QTGAL: variants seen among roughly 807,000 people sequenced by gnomAD.
QTGAL encodes queuosine-tRNA galactosyltransferase.
the QTGAL span, chr17:82,948,838 A>G: frequency 1.3e-5 from 2 of 152,286 alleles, no homozygotes; most frequent in African/African-American, 2.4e-5. Context: ...ATTAAAAACT[A>G]GAAATCCCAG....
the QTGAL span, among the ~76,000 whole-genome samples, chr17:83,020,699 C>T: frequency 1.3e-4 from 20 of 152,278 alleles, no homozygotes; most frequent in African/African-American, 4.3e-4. Context: ...CTAAAACCAG[C>T]GTCTCAAAGA....
the QTGAL span, among the ~76,000 whole-genome samples, chr17:82,993,602 A>C: frequency 6.6e-6 from 1 of 152,108 alleles, no homozygotes; most frequent in African/African-American, 2.4e-5. Flanking sequence ...AACAAGAAAC[A>C]TTGGACTTAA....
the QTGAL span, among the ~76,000 whole-genome samples, chr17:82,974,522 G>C: frequency 6.6e-6 from 1 of 152,216 alleles, no homozygotes; most frequent in Non-Finnish European, 1.5e-5. Context: ...GCGTCCCCTC[G>C]TGAGGGACAG....
the QTGAL span, among the ~76,000 whole-genome samples, chr17:83,017,303 A>G: frequency 2.0e-5 from 3 of 152,198 alleles, no homozygotes; most frequent in Non-Finnish European, 4.4e-5. Context: ...GTTAACAATA[A>G]GTTATTGTAT....
At chr17:82,963,534 C>CA in the QTGAL span, among the ~76,000 whole-genome samples, 2 of 152,184 alleles carry the variant, frequency 1.3e-5, no homozygotes, top group South Asian at 4.1e-4. Flanking sequence ...AACCAGGAAA[C>CA]AGAGACCCCT....
the QTGAL span, among the ~76,000 whole-genome samples, chr17:83,022,137 G>C: frequency 2.0e-5 from 3 of 152,238 alleles, no homozygotes; most frequent in East Asian, 5.8e-4. Context: ...AGGTTTCTTA[G>C]GTTCTTAGAC....
the QTGAL span, chr17:83,034,970 G>T: frequency 7.6e-7 from 1 of 1,316,662 alleles, no homozygotes; most frequent in Non-Finnish European, 1.1e-6. Flanking sequence ...TAAAATGTAA[G>T]ATCATTTAAT....
chr17:82,985,249 A>G, the QTGAL span, among the ~76,000 whole-genome samples: 2,631 of 152,368 alleles, frequency 0.017, 36 homozygotes, highest in East Asian at 0.049. Context: ...AAACAGACAC[A>G]TCAAAAGTCA....
chr17:82,989,988 CTTTCT>C, the QTGAL span, among the ~76,000 whole-genome samples: 1 of 152,202 alleles, frequency 6.6e-6, no homozygotes. Flanking sequence ...TGGATAACCG[CTTTCT>C]TTTAAGACAT....
chr17:83,011,397 T>A, the QTGAL span: 1 of 152,232 alleles, frequency 6.6e-6, no homozygotes, highest in South Asian at 2.1e-4. Context: ...GCTGGTTTCT[T>A]GTAAAAGATC....
chr17:82,960,060 T>G, the QTGAL span, among the ~76,000 whole-genome samples: 4 of 152,150 alleles, frequency 2.6e-5, no homozygotes, highest in Non-Finnish European at 5.9e-5. Flanking sequence ...GGAGCTGAAG[T>G]GTCAGGGACA....
the QTGAL span, among the ~76,000 whole-genome samples, chr17:82,957,976 C>T: frequency 6.6e-6 from 1 of 152,054 alleles, no homozygotes; most frequent in Non-Finnish European, 1.5e-5. Flanking sequence ...ACAAGTCGAC[C>T]CCAGGCTGCT....
chr17:82,958,499 G>A, the QTGAL span, among the ~76,000 whole-genome samples: 1 of 152,184 alleles, frequency 6.6e-6, no homozygotes, highest in Admixed American at 6.5e-5. Flanking sequence ...GGATTTCGCT[G>A]TTCTACGATT....
At chr17:82,960,973 C>A in the QTGAL span, 1 of 1,498,462 alleles carries the variant, frequency 6.7e-7, no homozygotes, top group Admixed American at 2.1e-5. Context: ...CTGGGGTCGG[C>A]CCCACCAACC....
chr17:82,956,697 G>A, the QTGAL span: 11 of 1,578,202 alleles, frequency 7.0e-6, no homozygotes, highest in Non-Finnish European at 9.5e-6. The surrounding 1 kb of genome is among the most constrained non-coding windows in gnomAD (Gnocchi z 5.7). Context: ...ACACTCACCA[G>A]CTTCACGCAG....
the QTGAL span, chr17:83,006,938 T>A: frequency 1.7e-6 from 1 of 589,020 alleles, no homozygotes; most frequent in Non-Finnish European, 2.1e-6. The surrounding 1 kb of genome is among the most constrained non-coding windows in gnomAD (Gnocchi z 5.8). Context: ...GCGCCGTCTC[T>A]CACCCTCAGT....
chr17:83,022,068 G>C, the QTGAL span, among the ~76,000 whole-genome samples: 2 of 152,212 alleles, frequency 1.3e-5, no homozygotes, highest in Non-Finnish European at 2.9e-5. Context: ...AGGTCTCAAT[G>C]TAAAAGATAA....
chr17:83,028,247 G>A, the QTGAL span, among the ~76,000 whole-genome samples: 16 of 151,260 alleles, frequency 1.1e-4, no homozygotes, highest in East Asian at 9.9e-4. Context: ...TCACCAGGCC[G>A]GGCGCGGTGG....
chr17:83,001,118 G>A, the QTGAL span, among the ~76,000 whole-genome samples: 1 of 152,170 alleles, frequency 6.6e-6, no homozygotes, highest in Admixed American at 6.5e-5. Flanking sequence ...CATCAACAAA[G>A]CTATACATCA....
Sources: allele counts gnomAD v4.1 joint callset (sites outside exome capture counted in the v4.1 genomes callset), GRCh38; gene constraint gnomAD v4.1.1; non-coding constraint Gnocchi (gnomAD v3.1); transcripts MANE v1.5; gene names NCBI Gene and HGNC (gene_info 2026-07-23, HGNC 2026-07-21).